Variants in LDLRAD3 observed in about 807,000 individuals in gnomAD.
The protein encoded by LDLRAD3 is low-density lipoprotein receptor class A domain-containing protein 3.
In LDLRAD3, 20 loss-of-function variants were observed where a neutral mutation model predicts 29.4. The observed-to-expected ratio is 0.68, with a 90% CI of 0.48 to 0.99. The LOEUF (loss-of-function observed/expected upper bound fraction) is 0.99. Among genes scored for constraint, LDLRAD3 ranks in the 50% least tolerant of loss-of-function variants. The pLI, the probability that LDLRAD3 is intolerant of heterozygous loss-of-function variation, is 0.00. For missense variants in LDLRAD3, 420 were observed against 454.3 expected, an observed-to-expected ratio of 0.92 and a Z score of 0.69; for synonymous variants, 157 against 192.7, an observed-to-expected ratio of 0.81 and a Z score of 1.53.
chr11:36,110,646 A>G (rs1050957369), intron 4 of LDLRAD3, among the ~76,000 whole-genome samples: 2 of 152,184 alleles, frequency 1.3e-5, no homozygotes, highest in African/African-American at 4.8e-5. Flanking sequence ...TCGTTCATGC[A>G]CACATCATTT....
intron 3 of LDLRAD3, among the ~76,000 whole-genome samples, chr11:36,093,027 C>T (rs1442747425): frequency 6.6e-6 from 1 of 152,104 alleles, no homozygotes. Context: ...TGGTTGTATA[C>T]AAGGATATAG....
chr11:36,180,416 C>G (rs1854741943), intron 4 of LDLRAD3, among the ~76,000 whole-genome samples: 1 of 152,112 alleles, frequency 6.6e-6, no homozygotes, highest in Non-Finnish European at 1.5e-5. Context: ...ACAATGAGCC[C>G]AAATCCCTGT....
At chr11:36,064,035 C>G (rs1470297944) in intron 2 of LDLRAD3, among the ~76,000 whole-genome samples, 3 of 152,118 alleles carry the variant, frequency 2.0e-5, no homozygotes, top group African/African-American at 4.8e-5. Context: ...TTAAGTCTTT[C>G]AATTTTTGAA....
At chr11:36,214,865 G>A (rs976496914) in intron 4 of LDLRAD3, among the ~76,000 whole-genome samples, 4 of 152,194 alleles carry the variant, frequency 2.6e-5, no homozygotes, top group Admixed American at 1.3e-4. Flanking sequence ...ACACTCTGCC[G>A]GCTTCTCCCA....
At chr11:35,991,700 G>T (rs147481904) in intron 1 of LDLRAD3, among the ~76,000 whole-genome samples, 1 of 152,148 alleles carries the variant, frequency 6.6e-6, no homozygotes, top group African/African-American at 2.4e-5. Flanking sequence ...GCTCTCCCTC[G>T]TAAGCTTCTT....
chr11:36,219,101 C>T (rs1323022646), intron 4 of LDLRAD3, among the ~76,000 whole-genome samples: 2 of 152,256 alleles, frequency 1.3e-5, no homozygotes, highest in African/African-American at 2.4e-5. Context: ...GACACGGCCA[C>T]ATTCATTCAT....
At chr11:36,126,598 G>A (rs1404830634) in intron 4 of LDLRAD3, among the ~76,000 whole-genome samples, 3 of 152,124 alleles carry the variant, frequency 2.0e-5, no homozygotes, top group Non-Finnish European at 4.4e-5. Context: ...TCTGGAGCCC[G>A]GATCATCCAT....
At chr11:36,097,895 GA>G (rs1741377997) in intron 3 of LDLRAD3, among the ~76,000 whole-genome samples, 1 of 152,138 alleles carries the variant, frequency 6.6e-6, no homozygotes, top group Non-Finnish European at 1.5e-5. Context: ...AGTTTAAAAA[GA>G]GACTAGAAAG....
intron 4 of LDLRAD3, among the ~76,000 whole-genome samples, chr11:36,198,896 A>T (rs570250106): frequency 1.4e-4 from 21 of 151,646 alleles, no homozygotes; most frequent in African/African-American, 4.8e-4. Context: ...ACAGCACCTT[A>T]TTTCTTGTTT....
intron 4 of LDLRAD3, among the ~76,000 whole-genome samples, chr11:36,146,770 C>CTATTTTATTT (rs1191393096): frequency 1.7e-5 from 1 of 57,512 alleles, no homozygotes; most frequent in African/African-American, 9.6e-5. Context: ...AAATTTCCCT[C>CTATTTTATTT]TACTTTATTT....
At chr11:36,140,745 G>C (rs1260515539) in intron 4 of LDLRAD3, among the ~76,000 whole-genome samples, 1 of 152,018 alleles carries the variant, frequency 6.6e-6, no homozygotes, top group Non-Finnish European at 1.5e-5. Context: ...AAAGCATATG[G>C]AAACCAATAT....
rs115566622 is a variant in LDLRAD3 at position 35,996,789 on chromosome 11, A to T, written c.47-39314A>T. Among the ~76,000 whole-genome samples, 5 of 152,204 alleles carry T rather than the reference A, an allele frequency of 3.3e-5. No individual in the cohort carries two copies. In the South Asian group the frequency reaches 1.0e-3, roughly 31 times the overall value. The stretch of plus-strand genomic sequence containing the variant: ...AAATCATAATGAGTAAAACAATAAC[A>T]GTTAACTGTTTTTGGTTAAATGTGC... On this transcript the variant is annotated intron_variant, in intron 1 of 5. Transcript: ENST00000315571.
At chr11:36,116,683 T>TA (rs773886174) in intron 4 of LDLRAD3, among the ~76,000 whole-genome samples, 1 of 151,036 alleles carries the variant, frequency 6.6e-6, no homozygotes, top group South Asian at 2.1e-4. Flanking sequence ...AAATAAAAAA[T>TA]AAAAAAATAA....
rs574720163 is a variant in LDLRAD3, at chr11:36,116,917, C to A, written c.454+18456C>A. Among the ~76,000 whole-genome samples, 7 of 151,218 alleles carry A rather than the reference C, an allele frequency of 4.6e-5. No individual in the cohort carries two copies. In the South Asian group the frequency reaches 1.5e-3, roughly 32 times the overall value. Reference sequence around the variant, plus strand: ...ACTTCAGTAGCGCAATCTTGGGTCACTGCAACCTCTGCCTCCCGGGTTCAA... The same window carrying A: ...ACTTCAGTAGCGCAATCTTGGGTCAATGCAACCTCTGCCTCCCGGGTTCAA... On this transcript the variant is annotated intron_variant, in intron 4 of 5. Coordinates refer to ENST00000315571, the MANE Select transcript of LDLRAD3 (RefSeq NM_174902.4).
chr11:36,193,329 GTCTGGCCACCAAAATAGCTTA>G (rs1454127071), intron 4 of LDLRAD3, among the ~76,000 whole-genome samples: 6 of 151,926 alleles, frequency 3.9e-5, no homozygotes, highest in African/African-American at 1.5e-4. Context: ...CTTTCCTTTT[GTCTGGCCACCAAAATAGCTTA>G]TCTGGCCACC....
chr11:36,036,041 T>C, intron 1 of LDLRAD3, 62 bp from the exon 2 acceptor site: 1 of 1,551,390 alleles, frequency 6.4e-7, no homozygotes. Context: ...CACCTTTCAG[T>C]TGAGGGGCGC....
chr11:36,227,002 A>C, intron 4 of LDLRAD3, 83 bp from the exon 5 acceptor site: 3 of 1,110,936 alleles, frequency 2.7e-6, no homozygotes, highest in Non-Finnish European at 3.9e-6. Flanking sequence ...ATTCGCATGC[A>C]AGTTCTGGGG....
At chr11:36,062,740 C>T (rs1433874263) in intron 2 of LDLRAD3, among the ~76,000 whole-genome samples, 2 of 152,112 alleles carry the variant, frequency 1.3e-5, no homozygotes, top group African/African-American at 2.4e-5. Flanking sequence ...TTCTCGCTGC[C>T]GCCATGTGAA....
chr11:36,121,495 G>A (rs1853756948), intron 4 of LDLRAD3, among the ~76,000 whole-genome samples: 1 of 152,194 alleles, frequency 6.6e-6, no homozygotes. Context: ...ACCCTGTCCT[G>A]TAAAACAGCA....
Sources: allele counts gnomAD v4.1 joint callset (sites outside exome capture counted in the v4.1 genomes callset), GRCh38; gene constraint gnomAD v4.1.1; transcripts MANE v1.5; gene names NCBI Gene and HGNC (gene_info 2026-07-23, HGNC 2026-07-21).